Variants in KAZN observed in about 807,000 individuals in gnomAD.
KAZN encodes the protein kazrin, periplakin interacting protein.
A neutral mutation model predicts 87.4 loss-of-function variants in KAZN; 40 were observed. That is an observed-to-expected ratio of 0.46 (90% CI 0.36 to 0.60). The LOEUF (loss-of-function observed/expected upper bound fraction) is 0.60. Among genes scored for constraint, KAZN ranks in the 20% least tolerant of loss-of-function variants. The pLI is 0.00. For synonymous variants in KAZN, 466 were observed against 458.3 expected (o/e 1.02, Z -0.22); for missense variants, 898 against 1,073.9 (o/e 0.84, Z 2.29).
chr1:14,381,377 A>C (rs1043600135), intron 2 of KAZN, among the ~76,000 whole-genome samples: 1 of 152,202 alleles, frequency 6.6e-6, no homozygotes, highest in South Asian at 2.1e-4. Flanking sequence ...AATCAAAAAA[A>C]AAAAATTGTA....
At chr1:14,030,292 A>G (rs1316960296) in intron 1 of KAZN, among the ~76,000 whole-genome samples, 1 of 151,842 alleles carries the variant, frequency 6.6e-6, no homozygotes, top group Non-Finnish European at 1.5e-5. Flanking sequence ...TTGTTGGATG[A>G]AATTGGAAAT....
At chr1:14,905,459 C>T (rs1332843205) in intron 1 of KAZN, among the ~76,000 whole-genome samples, 1 of 152,176 alleles carries the variant, frequency 6.6e-6, no homozygotes, top group Non-Finnish European at 1.5e-5. Context: ...AAAAAGGTCC[C>T]CCAGGCCTGC....
intron 1 of KAZN, among the ~76,000 whole-genome samples, chr1:14,719,894 C>G (rs1334501953): frequency 6.6e-6 from 1 of 152,090 alleles, no homozygotes; most frequent in African/African-American, 2.4e-5. Context: ...GAAGGGCATT[C>G]TAGGCAGAGG....
chr1:15,058,435 G>A (rs1638492895), intron 5 of KAZN, among the ~76,000 whole-genome samples: 1 of 152,246 alleles, frequency 6.6e-6, no homozygotes, highest in Admixed American at 6.5e-5. Flanking sequence ...AACCCCACCT[G>A]CTGGCATGCC....
At chr1:14,216,058 G>A (rs1194804771) in intron 2 of KAZN, among the ~76,000 whole-genome samples, 2 of 152,122 alleles carry the variant, frequency 1.3e-5, no homozygotes, top group Non-Finnish European at 2.9e-5. Flanking sequence ...AAAAAATAGA[G>A]CAAAAAGATA....
chr1:13,983,252 C>A (rs1027351203), intron 1 of KAZN, among the ~76,000 whole-genome samples: 8 of 152,228 alleles, frequency 5.3e-5, no homozygotes, highest in African/African-American at 1.7e-4. Flanking sequence ...CACAGGAGCC[C>A]ACGGAGGGGT....
intron 1 of KAZN, among the ~76,000 whole-genome samples, chr1:13,915,111 G>T (rs1057164204): frequency 2.6e-5 from 4 of 152,190 alleles, no homozygotes; most frequent in Admixed American, 2.0e-4. Context: ...ACACATGCAT[G>T]TGTATACGTG....
chr1:15,103,966 C>T (rs913257547), intron 12 of KAZN, 57 bp from the exon 13 acceptor site: 3 of 1,562,278 alleles, frequency 1.9e-6, no homozygotes, highest in African/African-American at 1.4e-5. Context: ...ACTGGGGCCC[C>T]CTTAGGCCAG....
At chr1:15,054,618 C>T (rs1490376817) in intron 4 of KAZN, among the ~76,000 whole-genome samples, 1 of 150,854 alleles carries the variant, frequency 6.6e-6, no homozygotes, top group African/African-American at 2.4e-5. Context: ...CGCCACTGCA[C>T]TCCGGCCTGG....
chr1:13,910,922 G>T (rs1195856461), intron 1 of KAZN, among the ~76,000 whole-genome samples: 1 of 152,018 alleles, frequency 6.6e-6, no homozygotes, highest in African/African-American at 2.4e-5. Flanking sequence ...AGGAAGCATG[G>T]CGTCTTCTGT....
At position 14,254,950 on chromosome 1, in the gene KAZN, G is replaced by A. The variant is rs187665603; in HGVS notation, c.249+74358G>A. ...AGCCTGACCAACATGGTGAAACCCC[G>A]TCTCTACTAAAAATACAAAAATTAG... On this transcript the variant is annotated intron_variant, in intron 2 of 16. Transcript: ENST00000636203. 8.8e-4 allele frequency among the ~76,000 whole-genome samples: 133 copies of A among 151,748 alleles called. 3 individuals carry two copies. The East Asian group carries it at 0.021, about 24-fold the overall frequency.
In KAZN at chr1:14,242,196, T is replaced by C. The variant is rs554963239; in HGVS notation, c.249+61604T>C. 3.5e-4 allele frequency among the ~76,000 whole-genome samples: 54 copies of C among 152,330 alleles called. 1 individual carries two copies. The highest frequency in any genetic ancestry group is 1.2e-3 in the African/African-American group (50 of 41,588). On this transcript the variant is annotated intron_variant, in intron 2 of 16. Coordinates refer to the KAZN transcript ENST00000636203. ...TAAATAGTGGAGAAAGAAAGAAATC[T>C]GAAGACTGTAAACTGTCTAAATAAG... is the stretch of plus-strand genomic sequence containing the variant.
At chr1:13,951,295 G>A (rs1241574667) in intron 1 of KAZN, among the ~76,000 whole-genome samples, 1 of 152,034 alleles carries the variant, frequency 6.6e-6, no homozygotes, top group Non-Finnish European at 1.5e-5. Flanking sequence ...CCTGGATCTG[G>A]ATCTACCACT....
intron 2 of KAZN, among the ~76,000 whole-genome samples, chr1:14,333,960 G>A (rs146244926): frequency 3.3e-5 from 5 of 152,262 alleles, no homozygotes; most frequent in African/African-American, 9.6e-5. Flanking sequence ...CATAGGAGGC[G>A]TGGTCATCAT....
intron 10 of KAZN, among the ~76,000 whole-genome samples, chr1:15,101,064 C>T (rs759538648): frequency 2.0e-5 from 3 of 152,168 alleles, no homozygotes; most frequent in African/African-American, 4.8e-5. Flanking sequence ...CCCGCCCCTG[C>T]GCCTTCTCAC....
intron 4 of KAZN, among the ~76,000 whole-genome samples, chr1:15,049,974 A>G (rs1674122656): frequency 6.6e-6 from 1 of 152,062 alleles, no homozygotes; most frequent in Admixed American, 6.5e-5. Flanking sequence ...AGCTGAGATC[A>G]CACCATTGCC....
At chr1:14,237,450 C>G (rs1423843657) in intron 2 of KAZN, among the ~76,000 whole-genome samples, 1 of 152,138 alleles carries the variant, frequency 6.6e-6, no homozygotes, top group Non-Finnish European at 1.5e-5. Context: ...CATGCATTCA[C>G]TGGTCTCTGG....
At chr1:14,581,825 T>C (rs183404200) in intron 2 of KAZN, among the ~76,000 whole-genome samples, 1 of 152,316 alleles carries the variant, frequency 6.6e-6, no homozygotes, top group Admixed American at 6.5e-5. Context: ...CTACTCAATG[T>C]CACCTTACTG....
At chr1:14,601,598 A>G (rs1392383133) in intron 1 of KAZN, among the ~76,000 whole-genome samples, 2 of 152,156 alleles carry the variant, frequency 1.3e-5, no homozygotes, top group Admixed American at 1.3e-4. Flanking sequence ...GAGTTCTCAC[A>G]CAAGTTAATT....
Sources: gnomAD v4.1 joint callset for allele counts (sites outside exome capture counted in the v4.1 genomes callset) on GRCh38, gnomAD v4.1.1 for gene constraint, MANE v1.5 for transcripts, NCBI Gene and HGNC (gene_info 2026-07-23, HGNC 2026-07-21) for gene names.